The following PTPN3 variants were observed in gnomAD, a reference collection of about 807,000 sequenced individuals.
The protein encoded by PTPN3 is tyrosine-protein phosphatase non-receptor type 3.
In PTPN3, 96 loss-of-function variants were observed where a neutral mutation model predicts 132.7. The observed-to-expected ratio is 0.72, with a 90% CI of 0.61 to 0.86. PTPN3 has a LOEUF of 0.86. Ranked by LOEUF, PTPN3 falls within the 40% of genes least tolerant of loss-of-function variation. The probability of loss-of-function intolerance (pLI) is 0.00; values close to 1 mark genes in which losing one functional copy is unlikely to be tolerated. For synonymous variants in PTPN3, 398 were observed against 429.0 expected (o/e 0.93, Z 0.89); for missense variants, 1,125 against 1,159.6 (o/e 0.97, Z 0.43).
rs1847782027 is a variant in PTPN3 at position 109,498,291 on chromosome 9, C to G, written c.-90G>C. The stretch of plus-strand genomic sequence containing the variant: ...GCGGCGCGGAAGCTCGCTCGCGGCG[C>G]GACCTGGCCGCCGTCTGAGCATGCC... On this transcript the variant is annotated 5_prime_UTR_variant, in exon 1 of 26. Coordinates refer to ENST00000374541, the MANE Select transcript of PTPN3 (RefSeq NM_002829.4). The surrounding 1 kb of genome is among the most constrained non-coding windows in gnomAD (Gnocchi z 4.2). The G allele has an allele frequency of 6.8e-6, 1 of 146,366 alleles. No homozygotes were observed. Among genetic ancestry groups the G allele is most frequent in the Non-Finnish European group, 1.5e-5 (1 of 65,846 alleles). 9.1% of individuals were successfully genotyped at this position (146,366 alleles called of 1,614,324 possible).
At chr9:109,405,743 C>T (rs1841508948) in intron 18 of PTPN3, among the ~76,000 whole-genome samples, 2 of 152,218 alleles carry the variant, frequency 1.3e-5, no homozygotes, top group Admixed American at 1.3e-4. Flanking sequence ...CCACATGGCA[C>T]CATGCCTGGC....
chr9:109,480,387 A>C (rs1588495339), intron 1 of PTPN3, among the ~76,000 whole-genome samples: 1 of 151,292 alleles, frequency 6.6e-6, no homozygotes, highest in East Asian at 2.0e-4. Context: ...CTCATCTTGA[A>C]CTCCTAGACT....
At chr9:109,401,201 C>G (rs1453807079) in intron 19 of PTPN3, among the ~76,000 whole-genome samples, 1 of 152,198 alleles carries the variant, frequency 6.6e-6, no homozygotes, top group East Asian at 1.9e-4. Flanking sequence ...ATGCTATCAT[C>G]CCACCATACC....
chr9:109,456,858 T>C (rs1845593555), intron 4 of PTPN3, among the ~76,000 whole-genome samples: 1 of 152,252 alleles, frequency 6.6e-6, no homozygotes, highest in African/African-American at 2.4e-5. Context: ...CCACCCTGGC[T>C]CTCACATCGG....
chr9:109,430,039 T>C (rs1356945710), intron 10 of PTPN3, among the ~76,000 whole-genome samples: 1 of 152,218 alleles, frequency 6.6e-6, no homozygotes, highest in Non-Finnish European at 1.5e-5. Context: ...CAACGATCTG[T>C]TGGTAGATGT....
intron 17 of PTPN3, among the ~76,000 whole-genome samples, chr9:109,407,933 G>A (rs1192782109): frequency 1.3e-5 from 2 of 152,240 alleles, no homozygotes; most frequent in Admixed American, 6.5e-5. Context: ...GGGCACTGGT[G>A]GAAAGATGGT....
chr9:109,514,200 A>T, the PTPN3 span, among the ~76,000 whole-genome samples: 1 of 152,106 alleles, frequency 6.6e-6, no homozygotes, highest in Admixed American at 6.6e-5. Flanking sequence ...GGCTCTTGCA[A>T]ATAGCCTCCC....
chr9:109,531,749 C>T, the PTPN3 span, among the ~76,000 whole-genome samples: 1 of 152,088 alleles, frequency 6.6e-6, no homozygotes, highest in African/African-American at 2.4e-5. Flanking sequence ...GTGAGCATCT[C>T]CCCAGGCTAG....
rs1554777541 is a variant in PTPN3 at position 109,391,875 on chromosome 9, G to GC, written c.1954-315_1954-314insG. 4.9e-4 allele frequency among the ~76,000 whole-genome samples: 52 copies of GC among 105,120 alleles called. 3 individuals carry two copies. In the South Asian group the frequency reaches 5.5e-3, roughly 11 times the overall value. The allele number at this position is 105,120 out of a possible 152,430, so 69.0% of individuals were successfully genotyped here. A position where few individuals can be genotyped will look rare whatever the true frequency, so the allele number is the denominator to read the frequency against. On this transcript the variant is annotated intron_variant, in intron 19 of 25. Transcript: ENST00000374541. ...GAGCTAAAAGCAACTAGATGTGGGG[G>GC]GGGGGGGGAAGAATTCTGGCTCAAA...
chr9:109,471,459 G>A (rs1564472351), intron 1 of PTPN3, among the ~76,000 whole-genome samples: 1 of 152,000 alleles, frequency 6.6e-6, no homozygotes, highest in South Asian at 2.1e-4. Flanking sequence ...CCTTTATCTC[G>A]AAATATTTTA....
chr9:109,392,382 T>C (rs1336200963), intron 19 of PTPN3, among the ~76,000 whole-genome samples: 1 of 148,838 alleles, frequency 6.7e-6, no homozygotes, highest in Non-Finnish European at 1.5e-5. Flanking sequence ...TGGAAGTGAT[T>C]TTTTTTTTTT....
the PTPN3 span, among the ~76,000 whole-genome samples, chr9:109,521,528 T>C: frequency 1.3e-5 from 2 of 152,168 alleles, no homozygotes; most frequent in Admixed American, 6.5e-5. Flanking sequence ...CCCACTTCCT[T>C]TGCCCAACTT....
rs541939732 is a variant in PTPN3, at chr9:109,460,391, T to C, written c.138+2906A>G. The stretch of plus-strand genomic sequence containing the variant: ...CAGTCTTTCAGCCCCTTCCCTCCTA[T>C]TGTCAACTGTGGACAGAGCCCCAGT... On this transcript the variant is annotated intron_variant, in intron 2 of 25. Transcript: ENST00000374541. Among the ~76,000 whole-genome samples the C allele has an allele frequency of 1.4e-4, 22 of 152,240 alleles. 1 individual carries two copies. Among genetic ancestry groups the C allele is most frequent in the Admixed American group, 1.2e-3 (18 of 15,292 alleles).
intron 12 of PTPN3, among the ~76,000 whole-genome samples, chr9:109,425,205 C>T (rs1169451553): frequency 6.6e-6 from 1 of 152,130 alleles, no homozygotes; most frequent in African/African-American, 2.4e-5. Flanking sequence ...CATTTAGCAC[C>T]ACAAATAGTA....
intron 16 of PTPN3, among the ~76,000 whole-genome samples, chr9:109,408,790 A>ATATATATAT (rs1293697190): frequency 0.013 from 770 of 59,080 alleles, 2 homozygotes; most frequent in Non-Finnish European, 0.02. Flanking sequence ...TTAAAAAAAA[A>ATATATATAT]AAAAAAATAT....
intron 10 of PTPN3, among the ~76,000 whole-genome samples, chr9:109,429,809 G>C (rs1395961650): frequency 6.6e-6 from 1 of 152,148 alleles, no homozygotes; most frequent in Non-Finnish European, 1.5e-5. Flanking sequence ...CATACAAAGG[G>C]TGCATATTTC....
intron 14 of PTPN3, among the ~76,000 whole-genome samples, chr9:109,412,259 A>T (rs1842133698): frequency 6.6e-6 from 1 of 151,788 alleles, no homozygotes; most frequent in South Asian, 2.1e-4. Flanking sequence ...CCCAGGCTGG[A>T]GTGCCATTAC....
At chr9:109,382,207 T>G in intron 24 of PTPN3, 95 bp downstream of exon 24, 3 of 1,421,236 alleles carry the variant, frequency 2.1e-6, no homozygotes, top group Non-Finnish European at 2.9e-6. Flanking sequence ...CACGACTTTG[T>G]GGGATGTAGG....
chr9:109,377,107 A>G lies in PTPN3; in HGVS notation c.*2449T>C, dbSNP rs1838618372. On this transcript the variant is annotated 3_prime_UTR_variant, in exon 26 of 26. Coordinates refer to ENST00000374541, the MANE Select transcript of PTPN3 (RefSeq NM_002829.4). ...CACAGGGTGATGATGCATTTTTACC[A>G]AACAGTAATAACTTGCTAAATATCC... 2 of 152,244 alleles carry G rather than the reference A, an allele frequency of 1.3e-5. No individual in the cohort carries two copies. The highest frequency in any genetic ancestry group is 4.8e-5 in the African/African-American group (2 of 41,470). The allele number at this position is 152,244 out of a possible 1,614,324, so 9.4% of individuals were successfully genotyped here.
Sources: gnomAD v4.1 joint callset for allele counts (sites outside exome capture counted in the v4.1 genomes callset) on GRCh38, gnomAD v4.1.1 for gene constraint, Gnocchi (gnomAD v3.1) non-coding constraint, MANE v1.5 for transcripts, NCBI Gene and HGNC (gene_info 2026-07-23, HGNC 2026-07-21) for gene names.